Variants in NALCN observed in about 807,000 individuals in gnomAD.
NALCN encodes sodium leak channel, non-selective.
In NALCN, 111 loss-of-function variants were observed where a neutral mutation model predicts 225.3. The ratio of observed to expected loss-of-function variants is 0.49; its 90% CI spans 0.42 to 0.58. The LOEUF is 0.58. Among genes scored for constraint, NALCN ranks in the 20% least tolerant of loss-of-function variants. The pLI is 0.00. For missense variants in NALCN, 1,378 were observed against 2,202.4 expected (o/e 0.63, Z 7.49); for synonymous variants, 764 against 769.0 (o/e 0.99, Z 0.11).
intron 7 of NALCN, among the ~76,000 whole-genome samples, chr13:101,338,188 C>A (rs141600709): frequency 6.6e-6 from 1 of 152,302 alleles, no homozygotes; most frequent in African/African-American, 2.4e-5. Flanking sequence ...GCAAAGTGAT[C>A]CACCATATAC....
chr13:101,074,432 G>T, intron 36 of NALCN, 82 bp downstream of exon 36: 2 of 1,314,516 alleles, frequency 1.5e-6, no homozygotes, highest in Non-Finnish European at 1.0e-6. Flanking sequence ...GACTTTAATA[G>T]ACAAAAAACA....
At chr13:101,318,739 A>G (rs978396848) in intron 7 of NALCN, among the ~76,000 whole-genome samples, 4 of 152,240 alleles carry the variant, frequency 2.6e-5, no homozygotes, top group African/African-American at 7.2e-5. Context: ...TAATTCACCA[A>G]TAAGAAAGCC....
chr13:101,176,433 T>C (rs2038961531), intron 14 of NALCN, 59 bp from the exon 15 acceptor site: 3 of 1,243,258 alleles, frequency 2.4e-6, no homozygotes, highest in Non-Finnish European at 3.4e-6. Context: ...CAAAATATTA[T>C]ATGTATAATA....
intron 7 of NALCN, among the ~76,000 whole-genome samples, chr13:101,319,162 A>T (rs1271846238): frequency 6.6e-6 from 1 of 152,192 alleles, no homozygotes; most frequent in Non-Finnish European, 1.5e-5. Context: ...AAATGGAGGA[A>T]GTCCCCCAAG....
At chr13:101,393,814 G>A (rs963645135) in intron 3 of NALCN, among the ~76,000 whole-genome samples, 4 of 151,998 alleles carry the variant, frequency 2.6e-5, no homozygotes, top group South Asian at 2.1e-4. Context: ...TCCCAAAAAC[G>A]AAAACAAAAA....
At chr13:101,338,095 G>A (rs1322691261) in intron 7 of NALCN, among the ~76,000 whole-genome samples, 5 of 152,202 alleles carry the variant, frequency 3.3e-5, no homozygotes, top group African/African-American at 1.2e-4. Flanking sequence ...AGTAACGACT[G>A]TCTGATGGAC....
chr13:101,154,669 A>G (rs1040735349), intron 15 of NALCN, among the ~76,000 whole-genome samples: 7 of 152,292 alleles, frequency 4.6e-5, no homozygotes, highest in African/African-American at 1.7e-4. Context: ...ATGATAATCC[A>G]ATGGTGATGA....
intron 7 of NALCN, among the ~76,000 whole-genome samples, chr13:101,340,414 G>T (rs1022559972): frequency 2.6e-5 from 4 of 152,142 alleles, no homozygotes; most frequent in African/African-American, 9.7e-5. Context: ...TCTATGTCCT[G>T]CCCTCCCTTA....
At chr13:101,082,554 G>A (rs1028767006) in intron 33 of NALCN, among the ~76,000 whole-genome samples, 2 of 152,142 alleles carry the variant, frequency 1.3e-5, no homozygotes, top group Non-Finnish European at 2.9e-5. Context: ...CTAAATATCA[G>A]AACTCGCATA....
chr13:101,311,990 C>T (rs1001872170), intron 7 of NALCN, among the ~76,000 whole-genome samples: 30 of 151,102 alleles, frequency 2.0e-4, no homozygotes, highest in African/African-American at 6.0e-4. Context: ...CATCTGGTCC[C>T]GGACTTTTTT....
rs779310313 is a variant in NALCN at position 101,055,399 on chromosome 13, G to A, written c.5113C>T (p.Pro1705Ser). The part of the protein sequence containing the change: ...TMKSVVCKMN[P>S]MTDAASCGSE... The stretch of plus-strand genomic sequence containing the variant: ...CCGCAGGAAGCCGCGTCAGTCATGG[G>A]GTTCATTTTGCACACGACAGATTTC... The change falls in exon 44 of 44, where the codon CCC (proline) becomes TCC (serine). Residue 1705 changes from proline to serine, a missense_variant. By Grantham distance (74) the Pro-to-Ser change is moderately conservative. Around this residue, in one of 19 missense-constraint regions of NALCN, gnomAD observed 145 missense variants for 169.6 expected, o/e 0.85. Transcript: ENST00000251127. 3.1e-6 allele frequency: 5 copies of A among 1,613,986 alleles called. No homozygotes were observed. Among genetic ancestry groups the A allele is most frequent in the Non-Finnish European group, 4.2e-6 (5 of 1,180,012 alleles).
At chr13:101,344,034 C>A (rs2045639670) in intron 7 of NALCN, among the ~76,000 whole-genome samples, 1 of 152,196 alleles carries the variant, frequency 6.6e-6, no homozygotes, top group Admixed American at 6.5e-5. Flanking sequence ...TCTGATAAGG[C>A]ATGCATTCTA....
intron 17 of NALCN, among the ~76,000 whole-genome samples, chr13:101,130,190 G>A (rs900832565): frequency 5.3e-5 from 8 of 149,866 alleles, no homozygotes; most frequent in African/African-American, 2.0e-4. Context: ...ATTATCAAGA[G>A]CACCAGGGAT....
intron 41 of NALCN, among the ~76,000 whole-genome samples, chr13:101,061,597 C>G (rs981962574): frequency 6.6e-6 from 1 of 152,116 alleles, no homozygotes; most frequent in East Asian, 1.9e-4. Context: ...GCAGGCTGGT[C>G]TCCAACTCCT....
intron 11 of NALCN, among the ~76,000 whole-genome samples, chr13:101,256,764 G>GC (rs2042242954): frequency 1.1e-5 from 1 of 89,270 alleles, no homozygotes. Flanking sequence ...GCTTCTTTCT[G>GC]CTTTTTTTTT....
chr13:101,117,766 A>G (rs2035785803), intron 18 of NALCN, among the ~76,000 whole-genome samples: 2 of 151,698 alleles, frequency 1.3e-5, no homozygotes, highest in South Asian at 4.1e-4. Flanking sequence ...CCATTCTCCT[A>G]CTGAAGGACA....
intron 14 of NALCN, among the ~76,000 whole-genome samples, chr13:101,184,486 T>A (rs964485775): frequency 1.3e-5 from 2 of 152,230 alleles, no homozygotes; most frequent in Non-Finnish European, 2.9e-5. Flanking sequence ...GGTAGTTATT[T>A]GCTCTGTTTA....
intron 9 of NALCN, among the ~76,000 whole-genome samples, chr13:101,286,980 T>C (rs1367845395): frequency 6.6e-6 from 1 of 152,128 alleles, no homozygotes; most frequent in Non-Finnish European, 1.5e-5. Context: ...AGTTCAATTC[T>C]TATTTTAATG....
At chr13:101,157,920 T>A (rs1017533098) in intron 15 of NALCN, among the ~76,000 whole-genome samples, 1 of 151,980 alleles carries the variant, frequency 6.6e-6, no homozygotes, top group South Asian at 2.1e-4. Flanking sequence ...ACCCAGCTAA[T>A]TTTTGTATTT....
Sources: gnomAD v4.1 joint callset for allele counts (sites outside exome capture counted in the v4.1 genomes callset) on GRCh38, gnomAD v4.1.1 for gene constraint, gnomAD v4.1.1 regional missense constraint, MANE v1.5 for transcripts, NCBI Gene and HGNC (gene_info 2026-07-23, HGNC 2026-07-21) for gene names.